Variants in NTM observed in about 807,000 individuals in gnomAD.
NTM encodes neurotrimin, also known as IgLON family member 2.
NTM carries 13 observed loss-of-function variants against 42.1 expected under a neutral mutation model. The observed-to-expected ratio is 0.31, with a 90% CI of 0.20 to 0.49. The LOEUF is 0.49. Ranked by LOEUF, NTM falls within the 20% of genes least tolerant of loss-of-function variation. NTM has a pLI of 0.99. For synonymous variants in NTM, 187 were observed against 179.2 expected (o/e 1.04, Z -0.35); for missense variants, 373 against 452.8 (o/e 0.82, Z 1.60).
At chr11:131,676,257 C>G (rs1408675910) in intron 1 of NTM, among the ~76,000 whole-genome samples, 2 of 152,168 alleles carry the variant, frequency 1.3e-5, no homozygotes, top group Non-Finnish European at 2.9e-5. Flanking sequence ...TATTTAAGTG[C>G]TGTTTGGTAG....
chr11:131,609,506 G>T (rs1277662479), intron 1 of NTM, among the ~76,000 whole-genome samples: 1 of 152,138 alleles, frequency 6.6e-6, no homozygotes, highest in Non-Finnish European at 1.5e-5. Context: ...ATGCTGTGTG[G>T]TTTCCTGACT....
At position 131,781,955 on chromosome 11, in the gene NTM, TA is replaced by T. The variant is rs1167659184; in HGVS notation, c.83-129608del. On this transcript the variant is annotated intron_variant, in intron 1 of 8. Coordinates refer to ENST00000683400, the MANE Select transcript of NTM (RefSeq NM_001352005.2). ...TTTATTGGTGAACACAAAGAGGCAT[TA>T]GCACAGGGTGAACCTGCACACAGCA... 2.0e-5 allele frequency among the ~76,000 whole-genome samples: 3 copies of T among 152,192 alleles called. 1 individual carries two copies. In the South Asian group the frequency reaches 6.2e-4, roughly 31 times the overall value.
chr11:131,667,534 G>C (rs1253316594), intron 1 of NTM, among the ~76,000 whole-genome samples: 1 of 152,142 alleles, frequency 6.6e-6, no homozygotes, highest in Non-Finnish European at 1.5e-5. Context: ...ATGACAGCAG[G>C]TGATACACCT....
intron 2 of NTM, among the ~76,000 whole-genome samples, chr11:131,965,948 A>C (rs2062779000): frequency 1.6e-5 from 2 of 128,762 alleles, no homozygotes; most frequent in East Asian, 2.8e-4. Flanking sequence ...GGGGGAAGGA[A>C]AGGAGGGAGG....
At chr11:131,660,634 C>T (rs575987393) in intron 1 of NTM, 120 of 455,698 alleles carry the variant, frequency 2.6e-4, no homozygotes, top group African/African-American at 1.9e-3. Context: ...GTCTGTGCAC[C>T]CCTCCCCCCT....
rs568189570 is a variant in NTM, at chr11:132,084,570, G to A, written c.168-61712G>A. ...GCTGAAATTTGATTTTGGGAAGCCT[G>A]TTAAATATGGTAGAGGTTTAAAACA... is the stretch of plus-strand genomic sequence containing the variant. On this transcript the variant is annotated intron_variant, in intron 2 of 8. Transcript: ENST00000683400. Among the ~76,000 whole-genome samples the A allele has an allele frequency of 4.6e-5, 7 of 152,262 alleles. No homozygotes were observed. The South Asian group carries it at 1.2e-3, about 27-fold the overall frequency.
intron 1 of NTM, among the ~76,000 whole-genome samples, chr11:131,799,762 T>C (rs765555572): frequency 3.3e-5 from 5 of 152,096 alleles, no homozygotes; most frequent in East Asian, 1.9e-4. Flanking sequence ...ACATGAGAAA[T>C]AGAAGATCAG....
At chr11:131,798,113 A>G (rs944198348) in intron 1 of NTM, among the ~76,000 whole-genome samples, 1 of 152,222 alleles carries the variant, frequency 6.6e-6, no homozygotes, top group South Asian at 2.1e-4. Flanking sequence ...ATGTTGATAC[A>G]AGACCTAAAC....
At chr11:131,705,464 A>G (rs1015669689) in intron 1 of NTM, among the ~76,000 whole-genome samples, 2 of 152,218 alleles carry the variant, frequency 1.3e-5, no homozygotes, top group Non-Finnish European at 2.9e-5. Context: ...TTGCCTTTCA[A>G]GAAATGCTCA....
intron 1 of NTM, among the ~76,000 whole-genome samples, chr11:131,472,588 T>C (rs1421223649): frequency 6.6e-6 from 1 of 152,052 alleles, no homozygotes; most frequent in East Asian, 1.9e-4. Context: ...TTAGCAAATG[T>C]TAGGTGCCTT....
intron 1 of NTM, among the ~76,000 whole-genome samples, chr11:131,781,148 G>GA (rs1392676598): frequency 1.3e-5 from 2 of 151,848 alleles, no homozygotes; most frequent in African/African-American, 2.4e-5. Flanking sequence ...ATTATATCAA[G>GA]AAATATTTCA....
At chr11:131,907,403 C>T (rs867530262) in intron 1 of NTM, among the ~76,000 whole-genome samples, 1 of 152,226 alleles carries the variant, frequency 6.6e-6, no homozygotes, top group Admixed American at 6.5e-5. Flanking sequence ...CCAGAGTACA[C>T]ATGGCAGGCT....
intron 2 of NTM, among the ~76,000 whole-genome samples, chr11:131,936,397 A>G (rs1202077505): frequency 2.6e-5 from 4 of 152,086 alleles, no homozygotes; most frequent in African/African-American, 9.7e-5. Flanking sequence ...ATGCCTTTTT[A>G]TCAAGCCTTG....
chr11:131,466,027 G>T (rs564960007), intron 1 of NTM, among the ~76,000 whole-genome samples: 41 of 152,332 alleles, frequency 2.7e-4, no homozygotes, highest in African/African-American at 9.4e-4. Context: ...CAGGATGTGT[G>T]TCTATGAGGA....
intron 1 of NTM, among the ~76,000 whole-genome samples, chr11:131,582,811 C>T (rs929838537): frequency 2.6e-5 from 4 of 152,092 alleles, no homozygotes; most frequent in African/African-American, 9.7e-5. Flanking sequence ...AAAAACCCAG[C>T]CCCTTCTGAG....
intron 1 of NTM, among the ~76,000 whole-genome samples, chr11:131,686,773 G>A (rs560844836): frequency 4.6e-5 from 7 of 152,308 alleles, no homozygotes; most frequent in East Asian, 1.9e-4. Context: ...GGCACAGATC[G>A]GAATGGGGTC....
rs980211018 is a variant in NTM at position 132,003,498 on chromosome 11, A to C, written c.167+91850A>C. ...TGGGCTCAAGCGATCCTTCTGGCTC[A>C]GACCTCCAATGTGCTGGGATTATAA... On this transcript the variant is annotated intron_variant, in intron 2 of 8. Coordinates refer to ENST00000683400, the MANE Select transcript of NTM (RefSeq NM_001352005.2). This position sits in a 1 kb window ranked among gnomAD's most constrained non-coding sequence, Gnocchi z 6.0. Among the ~76,000 whole-genome samples, 2 of 152,146 alleles carry C rather than the reference A, an allele frequency of 1.3e-5. No individual in the cohort carries two copies. Among genetic ancestry groups the C allele is most frequent in the Non-Finnish European group, 2.9e-5 (2 of 68,030 alleles).
At chr11:132,018,344 G>T (rs773176424) in intron 2 of NTM, among the ~76,000 whole-genome samples, 9 of 151,940 alleles carry the variant, frequency 5.9e-5, no homozygotes, top group Non-Finnish European at 1.3e-4. Context: ...CATCATTGTT[G>T]TATGATGTTA....
At chr11:131,895,566 G>T (rs1362543053) in intron 1 of NTM, among the ~76,000 whole-genome samples, 1 of 151,880 alleles carries the variant, frequency 6.6e-6, no homozygotes, top group Admixed American at 6.6e-5. Context: ...CAACCTAGTT[G>T]GTAAGATCAG....
Sources: allele counts gnomAD v4.1 joint callset (sites outside exome capture counted in the v4.1 genomes callset), GRCh38; gene constraint gnomAD v4.1.1; non-coding constraint Gnocchi (gnomAD v3.1); transcripts MANE v1.5; gene names NCBI Gene and HGNC (gene_info 2026-07-23, HGNC 2026-07-21).